Variants in LARS2 observed in about 807,000 individuals in gnomAD.
LARS2 encodes leucine--tRNA ligase, mitochondrial.
A neutral mutation model predicts 116.6 loss-of-function variants in LARS2; 81 were observed. That is an observed-to-expected ratio of 0.69 (90% CI 0.58 to 0.84). The LOEUF (loss-of-function observed/expected upper bound fraction) is 0.84, where lower values mean the gene tolerates loss of function less well. Ranked by LOEUF, LARS2 falls within the 40% of genes least tolerant of loss-of-function variation. LARS2 has a pLI of 0.00. For missense variants in LARS2, 968 were observed against 1,114.5 expected (o/e 0.87, Z 1.87); for synonymous variants, 396 against 407.2 (o/e 0.97, Z 0.33).
intron 4 of LARS2, among the ~76,000 whole-genome samples, chr3:45,414,176 A>G (rs1698378029): frequency 2.6e-5 from 4 of 152,204 alleles, no homozygotes; most frequent in African/African-American, 9.6e-5. Flanking sequence ...GAAAAATGGA[A>G]ATAACTTTTA....
At chr3:45,452,783 C>G (rs776985780) in intron 7 of LARS2, among the ~76,000 whole-genome samples, 16 of 152,122 alleles carry the variant, frequency 1.1e-4, no homozygotes, top group Admixed American at 2.6e-4. Flanking sequence ...TAGAATTCAG[C>G]AGTGAATCCA....
chr3:45,533,973 C>T (rs1700661579), intron 20 of LARS2, among the ~76,000 whole-genome samples: 1 of 152,172 alleles, frequency 6.6e-6, no homozygotes, highest in African/African-American at 2.4e-5. Context: ...TCAGTCATTC[C>T]ATAAACATTT....
intron 8 of LARS2, among the ~76,000 whole-genome samples, chr3:45,472,585 A>G (rs1699545196): frequency 6.6e-6 from 1 of 152,226 alleles, no homozygotes; most frequent in Non-Finnish European, 1.5e-5. Context: ...ATAGAAGCAG[A>G]TGGATCTCTA....
At chr3:45,417,735 A>G (rs1431654733) in intron 5 of LARS2, among the ~76,000 whole-genome samples, 162 bp downstream of exon 5, 1 of 152,206 alleles carries the variant, frequency 6.6e-6, no homozygotes, top group Non-Finnish European at 1.5e-5. Flanking sequence ...AACATATTGT[A>G]TTCTTATCTA....
At chr3:45,449,004 T>C (rs1699067854) in intron 7 of LARS2, among the ~76,000 whole-genome samples, 1 of 152,198 alleles carries the variant, frequency 6.6e-6, no homozygotes, top group South Asian at 2.1e-4. Context: ...AGCAGAAATG[T>C]ATTTCCTCAT....
At chr3:45,457,219 G>A (rs1478688564) in intron 7 of LARS2, among the ~76,000 whole-genome samples, 1 of 152,242 alleles carries the variant, frequency 6.6e-6, no homozygotes, top group Non-Finnish European at 1.5e-5. Flanking sequence ...CCATGGCCAG[G>A]AAGCAGCCAG....
chr3:45,544,402 G>A (rs916295075), intron 21 of LARS2, among the ~76,000 whole-genome samples: 4 of 152,236 alleles, frequency 2.6e-5, no homozygotes, highest in African/African-American at 9.6e-5. Context: ...CACACACAGT[G>A]CCTGCCTTAT....
chr3:45,533,244 G>A (rs1005100446), intron 20 of LARS2, among the ~76,000 whole-genome samples: 6 of 139,066 alleles, frequency 4.3e-5, no homozygotes, highest in South Asian at 4.8e-4. Flanking sequence ...TCCGCCTCCC[G>A]GGTTCACACC....
intron 21 of LARS2, among the ~76,000 whole-genome samples, chr3:45,543,471 AT>A (rs531541366): frequency 8.4e-4 from 108 of 128,592 alleles, no homozygotes; most frequent in African/African-American, 1.4e-3. Flanking sequence ...TTATTTTTTT[AT>A]TTTTTTTTTT....
intron 12 of LARS2, among the ~76,000 whole-genome samples, chr3:45,490,149 A>G (rs887866222): frequency 2.6e-5 from 4 of 152,234 alleles, no homozygotes; most frequent in African/African-American, 9.6e-5. Flanking sequence ...GCTCTAAGAT[A>G]TGGACCCTTA....
At chr3:45,436,590 C>T (rs1022193321) in intron 6 of LARS2, among the ~76,000 whole-genome samples, 2 of 151,240 alleles carry the variant, frequency 1.3e-5, no homozygotes, top group Non-Finnish European at 2.9e-5. Flanking sequence ...GTCAGGAGAT[C>T]GAGACCATCC....
At chr3:45,430,725 C>T (rs907255258) in intron 6 of LARS2, among the ~76,000 whole-genome samples, 6 of 149,926 alleles carry the variant, frequency 4.0e-5, no homozygotes, top group Admixed American at 1.3e-4. Context: ...GCTGGGACTA[C>T]AGGCGCCCGC....
intron 14 of LARS2, 48 bp from the exon 15 acceptor site, chr3:45,500,394 A>G (rs1344456265): frequency 6.3e-7 from 1 of 1,583,508 alleles, no homozygotes; most frequent in South Asian, 1.2e-5. Context: ...AATTTACACA[A>G]TTGTGGCAAA....
intron 20 of LARS2, among the ~76,000 whole-genome samples, chr3:45,531,951 A>T (rs919088456): frequency 4.6e-5 from 7 of 152,298 alleles, no homozygotes; most frequent in Admixed American, 6.5e-5. Flanking sequence ...ATAATTTTTT[A>T]AATTTTTATT....
chr3:45,539,406 G>A (rs1167117392), intron 20 of LARS2, among the ~76,000 whole-genome samples: 12 of 152,154 alleles, frequency 7.9e-5, no homozygotes, highest in South Asian at 2.1e-4. Flanking sequence ...TGAGGCAGGC[G>A]GATCGCTTGA....
intron 1 of LARS2, among the ~76,000 whole-genome samples, chr3:45,391,219 TTCACGCCTGTAATC>T (rs1397363712): frequency 4.1e-4 from 62 of 152,128 alleles, no homozygotes; most frequent in Admixed American, 1.1e-3. Context: ...GATGCGGTGG[TTCACGCCTGTAATC>T]CCAGCACTTT....
chr3:45,524,869 C>T (rs759474276), intron 20 of LARS2, among the ~76,000 whole-genome samples: 24 of 152,140 alleles, frequency 1.6e-4, no homozygotes, highest in Non-Finnish European at 3.2e-4. Context: ...GAGCAAACCA[C>T]GAGTCTCAGT....
At chr3:45,417,365 C>A (rs951338116) in intron 4 of LARS2, 117 bp from the exon 5 acceptor site, 2 of 775,506 alleles carry the variant, frequency 2.6e-6, no homozygotes, top group African/African-American at 1.7e-5. Flanking sequence ...AACCTGAAAA[C>A]ATCCAGCAAA....
intron 2 of LARS2, among the ~76,000 whole-genome samples, chr3:45,393,660 C>T (rs930852743): frequency 1.3e-5 from 2 of 151,926 alleles, no homozygotes; most frequent in African/African-American, 4.8e-5. Context: ...AACGTGTGGG[C>T]CTAGTGGTAG....
Sources: gnomAD v4.1 joint callset for allele counts (sites outside exome capture counted in the v4.1 genomes callset) on GRCh38, gnomAD v4.1.1 for gene constraint, MANE v1.5 for transcripts, NCBI Gene and HGNC (gene_info 2026-07-23, HGNC 2026-07-21) for gene names.